Variants in SANBR observed in about 807,000 individuals in gnomAD.
SANBR encodes the protein SANT and BTB domain regulator of CSR.
SANBR carries 77 observed loss-of-function variants against 101.8 expected under a neutral mutation model. That is an observed-to-expected ratio of 0.76 (90% CI 0.63 to 0.91). The LOEUF is 0.91. Ranked by LOEUF, SANBR falls within the 40% of genes least tolerant of loss-of-function variation. The pLI, the probability that SANBR is intolerant of heterozygous loss-of-function variation, is 0.00. For synonymous variants in SANBR, 279 were observed against 274.7 expected, an observed-to-expected ratio of 1.02 and a Z score of -0.15; for missense variants, 875 against 853.0, an observed-to-expected ratio of 1.03 and a Z score of -0.32.
Position 61,103,881 on chromosome 2 carries a change from C to T in SANBR, c.1394C>T (p.Thr465Ile). The change falls in exon 13 of 22, where the codon ACA becomes ATA. Residue 465 changes from threonine (T) to isoleucine (I), a missense_variant. By Grantham distance (89) the Thr-to-Ile change is moderately conservative (BLOSUM62 -1). Transcript: ENST00000402291. Reference protein sequence around the residue: ...KGCKVRDHMVTLRDQGEGGDL... With the variant: ...KGCKVRDHMVILRDQGEGGDL... ...TGTAAAGTGAGGGACCACATGGTTA[C>T]ACTTCGTGATCAAGGTGAAGGCGGA... The T allele has an allele frequency of 1.2e-6, 2 of 1,614,178 alleles. No individual in the cohort carries two copies. The highest frequency in any genetic ancestry group is 1.1e-5 in the South Asian group (1 of 91,082).
chr2:61,080,494 G>A (rs563043792), intron 6 of SANBR, among the ~76,000 whole-genome samples: 3 of 152,228 alleles, frequency 2.0e-5, no homozygotes, highest in South Asian at 2.1e-4. Flanking sequence ...AGGCCAAGGC[G>A]GGCGGATCAC....
chr2:61,117,582 T>C (rs1313259629), intron 19 of SANBR, 42 bp downstream of exon 19: 1 of 1,471,522 alleles, frequency 6.8e-7, no homozygotes, highest in East Asian at 2.3e-5. Flanking sequence ...TGGATGTAAA[T>C]AGCAATGATT....
chr2:61,124,703 C>CAA (rs777185693), downstream of SANBR, among the ~76,000 whole-genome samples: 7 of 96,102 alleles, frequency 7.3e-5, no homozygotes, highest in African/African-American at 1.6e-4. Context: ...AAGACCCTAT[C>CAA]AAAAAAAAAA....
Position 61,117,359 on chromosome 2 carries a change from A to G in SANBR, c.1839A>G (p.Ser613=), listed in dbSNP as rs1559140404. The change falls in exon 18 of 22, where the codon TCA becomes TCG. Residue 613 remains serine, a splice_region_variant and synonymous_variant. Coordinates refer to ENST00000402291, the MANE Select transcript of SANBR (RefSeq NM_001129993.3). ...AQRKEKALEK[S]ASRDVSPFVM... ...TAATGTTGTCTACTTTTTTTTAGTC[A>G]GCTTCTAGAGATGTGTCTCCTTTCG... 2.5e-6 allele frequency: 4 copies of G among 1,613,728 alleles called. No individual in the cohort carries two copies.
At chr2:61,134,002 G>T in intron 20 of SANBR, 1 of 1,330,476 alleles carries the variant, frequency 7.5e-7, no homozygotes, top group South Asian at 1.4e-5. Flanking sequence ...ATTGCATTTG[G>T]GTAATAGAAA....
chr2:61,109,339 G>A lies in SANBR; in HGVS notation c.1744+43G>A, dbSNP rs771979156. The A allele has an allele frequency of 2.6e-6, 3 of 1,139,672 alleles. 1 individual carries two copies. In the African/African-American group the frequency reaches 4.7e-5, roughly 18 times the overall value. The allele number at this position is 1,139,672 out of a possible 1,614,324, so 70.6% of individuals were successfully genotyped here. A position where few individuals can be genotyped will look rare whatever the true frequency, so the allele number is the denominator to read the frequency against. Reference sequence around the variant, plus strand: ...AAAATCAAATCTCCCTGTTTATGAAGGGGTTACATTCTGAAGCCTTTAATG... The same window carrying A: ...AAAATCAAATCTCCCTGTTTATGAAAGGGTTACATTCTGAAGCCTTTAATG... On this transcript the variant is annotated intron_variant, in intron 16 of 21. Transcript: ENST00000402291.
In SANBR at chr2:61,068,986, G is replaced by A. The variant is rs1681321319; in HGVS notation, c.-10+1G>A. The stretch of plus-strand genomic sequence containing the variant: ...CTCCACTATTCTGGCCTTCTACAAG[G>A]TACATCTTTGGTTGGTAGGAAGCTG... On this transcript the variant is annotated splice_donor_variant, in intron 2 of 21. Coordinates refer to ENST00000402291, the MANE Select transcript of SANBR (RefSeq NM_001129993.3). LOFTEE classifies it low-confidence loss of function (5UTR_SPLICE). The A allele has an allele frequency of 6.6e-6, 1 of 152,306 alleles. No individual in the cohort carries two copies. The highest frequency in any genetic ancestry group is 2.1e-4 in the South Asian group (1 of 4,834). 9.4% of individuals were successfully genotyped at this position (152,306 alleles called of 1,614,324 possible).
chr2:61,073,262 A>G (rs1681579607), intron 4 of SANBR, among the ~76,000 whole-genome samples, 196 bp from the exon 5 acceptor site: 1 of 152,198 alleles, frequency 6.6e-6, no homozygotes. Context: ...TTAGCAATTT[A>G]TGATTCATTT....
At chr2:61,083,439 C>A in intron 8 of SANBR, 125 bp downstream of exon 8, 1 of 694,516 alleles carries the variant, frequency 1.4e-6, no homozygotes, top group Non-Finnish European at 2.4e-6. Context: ...CTCTGTTGTT[C>A]AGGCTGGAGT....
chr2:61,093,223 T>C (rs1474309528), intron 11 of SANBR: 1 of 152,266 alleles, frequency 6.6e-6, no homozygotes, highest in Non-Finnish European at 1.5e-5. Flanking sequence ...TGGTTTCATT[T>C]CTCTTGACAT....
intron 11 of SANBR, among the ~76,000 whole-genome samples, chr2:61,096,830 T>C (rs1303135650): frequency 2.0e-5 from 3 of 152,170 alleles, no homozygotes. Context: ...ATAATTTTTA[T>C]TAATACTGAT....
rs191522982 is a variant in SANBR at position 61,076,356 on chromosome 2, G to A, written c.432-564G>A. Among the ~76,000 whole-genome samples the A allele has an allele frequency of 3.1e-3, 454 of 148,106 alleles. 2 individuals carry two copies. Among genetic ancestry groups the A allele is most frequent in the Non-Finnish European group, 5.5e-3 (372 of 67,106 alleles). On this transcript the variant is annotated intron_variant, in intron 5 of 21. Transcript: ENST00000402291. ...TTCAAGGCTGGGCGCGGTGGCTCAC[G>A]CCTGTAATCCCAGCACTTTGGGAGG...
intron 11 of SANBR, among the ~76,000 whole-genome samples, chr2:61,093,602 A>G (rs183995254): frequency 4.0e-5 from 6 of 150,154 alleles, no homozygotes; most frequent in East Asian, 1.9e-4. Context: ...TCAAAAGAGA[A>G]AAAAAAAAAA....
In SANBR at chr2:61,070,499, A is replaced by T; in HGVS notation, c.149A>T (p.Glu50Val). 1 of 1,606,252 alleles carries T rather than the reference A, an allele frequency of 6.2e-7. No homozygotes were observed. Among genetic ancestry groups the T allele is most frequent in the Non-Finnish European group, 8.5e-7 (1 of 1,177,398 alleles). The change falls in exon 3 of 22, where the codon GAG (glutamate) becomes GTG (valine). Residue 50 changes from glutamate (E) to valine (V), a missense_variant and splice_region_variant. Transcript: ENST00000402291. ...ARLVPGLTPK[E>V]CAKRFDELKS... ...CTCGTGCCTGGATTAACACCAAAAG[A>T]GGTAAATAACAGTCCCCCCAGAATA...
intron 10 of SANBR, among the ~76,000 whole-genome samples, chr2:61,091,703 A>G (rs977771775): frequency 1.3e-5 from 2 of 152,142 alleles, no homozygotes; most frequent in African/African-American, 4.8e-5. Context: ...TGAAGTTGCA[A>G]TAAGCTATGA....
intron 16 of SANBR, among the ~76,000 whole-genome samples, chr2:61,112,383 C>T (rs909549652): frequency 6.6e-6 from 1 of 152,022 alleles, no homozygotes; most frequent in Non-Finnish European, 1.5e-5. Flanking sequence ...GGATCATTTG[C>T]CTTATTATTG....
intron 12 of SANBR, among the ~76,000 whole-genome samples, chr2:61,101,279 T>C (rs1391889759): frequency 4.6e-5 from 7 of 152,258 alleles, no homozygotes; most frequent in Admixed American, 3.9e-4. Context: ...CATGATTTTT[T>C]AGTCTTTACA....
In SANBR at chr2:61,097,916, T is replaced by A. The variant is rs115862759; in HGVS notation, c.1365+64T>A. 3,120 of 1,325,536 alleles carry A rather than the reference T, an allele frequency of 2.4e-3. 61 individuals are homozygous for A. The African/African-American group carries it at 0.039, about 17-fold the overall frequency. The allele number at this position is 1,325,536 out of a possible 1,614,324, so 82.1% of individuals were successfully genotyped here. A position where few individuals can be genotyped will look rare whatever the true frequency, so the allele number is the denominator to read the frequency against. ...AAAGTATAACAGTAATACATTAATG[T>A]ATAAAAGACTTCAAACAATACATAA... is the stretch of plus-strand genomic sequence containing the variant. On this transcript the variant is annotated intron_variant, in intron 12 of 21. Transcript: ENST00000402291.
Position 61,122,397 on chromosome 2 carries a change from AAAGC to A in SANBR, c.*238_*241del, listed in dbSNP as rs1684368859. 1 of 1,208,660 alleles carries A rather than the reference AAAGC, an allele frequency of 8.3e-7. No homozygotes were observed. The allele number at this position is 1,208,660 out of a possible 1,614,324, so 74.9% of individuals were successfully genotyped here. ...TCTAATATCATTCTAGGCTATGTAG[AAAGC>A]AATTATTTACAAATTTGCATAGTTG... On this transcript the variant is annotated 3_prime_UTR_variant, in exon 22 of 22. Transcript: ENST00000402291.
Sources: gnomAD v4.1 joint callset for allele counts (sites outside exome capture counted in the v4.1 genomes callset) on GRCh38, gnomAD v4.1.1 for gene constraint, MANE v1.5 for transcripts, NCBI Gene and HGNC (gene_info 2026-07-23, HGNC 2026-07-21) for gene names.